The following PPP1R37 variants were observed in gnomAD, a reference collection of about 807,000 sequenced individuals.
PPP1R37 encodes the protein protein phosphatase 1 regulatory subunit 37.
PPP1R37 carries 21 observed loss-of-function variants against 61.0 expected under a neutral mutation model. The observed-to-expected ratio is 0.34, with a 90% CI of 0.24 to 0.50. The LOEUF (loss-of-function observed/expected upper bound fraction) is 0.50, where lower values mean the gene tolerates loss of function less well. Among genes scored for constraint, PPP1R37 ranks in the 20% least tolerant of loss-of-function variants. The pLI is 0.98. For synonymous variants in PPP1R37, 443 were observed against 433.5 expected (o/e 1.02, Z -0.27); for missense variants, 910 against 952.7 (o/e 0.96, Z 0.59).
chr19:45,125,160 A>G (rs772023459), intron 1 of PPP1R37, among the ~76,000 whole-genome samples: 7 of 152,186 alleles, frequency 4.6e-5, no homozygotes, highest in Non-Finnish European at 7.4e-5. Context: ...TTATCAAACA[A>G]TATCTCTTTA....
In PPP1R37 at chr19:45,146,460, G is replaced by A. The variant is rs759327118; in HGVS notation, c.2064G>A (p.Gln688=). 3.6e-5 allele frequency: 55 copies of A among 1,535,620 alleles called. 1 individual carries two copies. In the South Asian group the frequency reaches 6.1e-4, roughly 17 times the overall value. ...TGGAAGCCAGTCAGGAATCCGGGCA[G>A]GAGACACTGTGACACTTTAGGTGAG... ...LLLEASQESG[Q]ETL is the part of the protein sequence containing the mutation. Residue 688 remains glutamine, a synonymous_variant, in exon 12 of 13, where the codon CAG becomes CAA. Coordinates refer to ENST00000221462, the MANE Select transcript of PPP1R37 (RefSeq NM_019121.2).
chr19:45,113,038 C>T (rs1006002874), intron 1 of PPP1R37, among the ~76,000 whole-genome samples: 4 of 152,178 alleles, frequency 2.6e-5, no homozygotes, highest in Non-Finnish European at 5.9e-5. Context: ...GGTCACAGCT[C>T]CTGCCCTCGA....
intron 1 of PPP1R37, among the ~76,000 whole-genome samples, chr19:45,116,911 C>CTTTTTTTTTT (rs61317000): frequency 1.7e-5 from 2 of 121,068 alleles, no homozygotes; most frequent in Non-Finnish European, 3.4e-5. Context: ...GAGGAGGTGA[C>CTTTTTTTTTT]TTTTTTTTTT....
At chr19:45,109,624 C>T (rs1455012066) in intron 1 of PPP1R37, among the ~76,000 whole-genome samples, 1 of 152,218 alleles carries the variant, frequency 6.6e-6, no homozygotes, top group Non-Finnish European at 1.5e-5. Context: ...GCCAGGGCAG[C>T]CCTGCCTGGG....
chr19:45,145,400 G>A lies in PPP1R37; in HGVS notation c.1344G>A (p.Gln448=). The A allele has an allele frequency of 6.5e-7, 1 of 1,535,454 alleles. No homozygotes were observed. The highest frequency in any genetic ancestry group is 1.4e-5 in the African/African-American group (1 of 73,158). Residue 448 remains glutamine, a synonymous_variant, in exon 11 of 13, where the codon CAG becomes CAA. Transcript: ENST00000221462. ...ETQKALLAEI[Q]NGCKRNLVLA... is the part of the protein sequence containing the mutation. ...AGAAGGCGCTGCTGGCCGAGATCCA[G>A]AACGGCTGCAAGCGCAACTTGGTGC... is the stretch of plus-strand genomic sequence containing the variant.
chr19:45,110,377 G>C (rs1341880549), intron 1 of PPP1R37, among the ~76,000 whole-genome samples: 1 of 151,954 alleles, frequency 6.6e-6, no homozygotes, highest in Non-Finnish European at 1.5e-5. Context: ...TGGCCTCCGA[G>C]AGTGCTGGGA....
intron 11 of PPP1R37, 108 bp from the exon 12 acceptor site, chr19:45,146,282 G>A: frequency 9.4e-7 from 1 of 1,068,932 alleles, no homozygotes. Flanking sequence ...CATCTCAGCG[G>A]TCTCTGGGCA....
rs1968567333 is a variant in PPP1R37 at position 45,138,555 on chromosome 19, C to G, written c.244C>G (p.Gln82Glu). 5 of 1,535,810 alleles carry G rather than the reference C, an allele frequency of 3.3e-6. No homozygotes were observed. The South Asian group carries it at 4.8e-5, about 15-fold the overall frequency. Residue 82 changes from glutamine to glutamate, a missense_variant, in exon 2 of 13, where the codon CAG becomes GAG. Around this residue, in one of 3 missense-constraint regions of PPP1R37, gnomAD observed 280 missense variants for 382.2 expected, o/e 0.73. Coordinates refer to ENST00000221462, the MANE Select transcript of PPP1R37 (RefSeq NM_019121.2). Reference sequence around the variant, plus strand: ...GGACGAGGTCATCGGCGCCTACAAGCAGGCCTGCCAGAAGCTGAACTGCAG... The same window carrying G: ...GGACGAGGTCATCGGCGCCTACAAGGAGGCCTGCCAGAAGCTGAACTGCAG... ...TVDEVIGAYK[Q>E]ACQKLNCRQI...
Position 45,134,421 on chromosome 19 carries a change from G to T in PPP1R37, c.203-4093G>T, listed in dbSNP as rs551522895. 1.2e-3 allele frequency among the ~76,000 whole-genome samples: 184 copies of T among 152,262 alleles called. 3 individuals carry two copies. The highest frequency in any genetic ancestry group is 3.7e-3 in the African/African-American group (152 of 41,556). ...GGCCTGGCGGGTGTGAGTGCTGTCAGCGCGAACTTCCTCTCTGATCTGCCC... is the reference window on the plus strand; with the variant it reads ...GGCCTGGCGGGTGTGAGTGCTGTCATCGCGAACTTCCTCTCTGATCTGCCC... On this transcript the variant is annotated intron_variant, in intron 1 of 12. Transcript: ENST00000221462.
chr19:45,125,885 C>T (rs748254209), intron 1 of PPP1R37, among the ~76,000 whole-genome samples: 6 of 152,218 alleles, frequency 3.9e-5, no homozygotes, highest in Non-Finnish European at 7.3e-5. Context: ...CCAGACCCCA[C>T]GCCAAGGCAG....
chr19:45,131,049 C>T (rs1968470303), intron 1 of PPP1R37, among the ~76,000 whole-genome samples: 1 of 152,108 alleles, frequency 6.6e-6, no homozygotes, highest in African/African-American at 2.4e-5. Context: ...CCCCTGATGC[C>T]CAACCTGTCC....
At chr19:45,127,391 C>A (rs1968420399) in intron 1 of PPP1R37, among the ~76,000 whole-genome samples, 1 of 150,738 alleles carries the variant, frequency 6.6e-6, no homozygotes, top group Non-Finnish European at 1.5e-5. Context: ...AGGTGGCATG[C>A]CTACTGCACA....
intron 1 of PPP1R37, among the ~76,000 whole-genome samples, chr19:45,137,742 G>GT (rs1453964743): frequency 6.6e-6 from 1 of 151,898 alleles, no homozygotes; most frequent in East Asian, 1.9e-4. Flanking sequence ...TATACCAGGT[G>GT]TGTGATCTTG....
At position 45,121,467 on chromosome 19, in the gene PPP1R37, C is replaced by T. The variant is rs903739075; in HGVS notation, c.203-17047C>T. Among the ~76,000 whole-genome samples the T allele has an allele frequency of 5.9e-5, 9 of 152,236 alleles. No individual in the cohort carries two copies. Among genetic ancestry groups the T allele is most frequent in the East Asian group, 5.8e-4 (3 of 5,194 alleles). On this transcript the variant is annotated intron_variant, in intron 1 of 12. Coordinates refer to ENST00000221462, the MANE Select transcript of PPP1R37 (RefSeq NM_019121.2). This position sits in a 1 kb window ranked among gnomAD's most constrained non-coding sequence, Gnocchi z 4.2. ...CCAGGCAGGAGGACAGCTGGGCCCT[C>T]GCATGGGCGGGATTGAGGCCACTGG...
chr19:45,105,590 G>T (rs1285383973), intron 1 of PPP1R37, among the ~76,000 whole-genome samples: 3 of 152,136 alleles, frequency 2.0e-5, no homozygotes, highest in Non-Finnish European at 4.4e-5. Flanking sequence ...TGTGTCACAG[G>T]TGTCAGGGGC....
At chr19:45,138,682 C>T in intron 2 of PPP1R37, 71 bp downstream of exon 2, 1 of 1,041,100 alleles carries the variant, frequency 9.6e-7, no homozygotes, top group South Asian at 1.4e-5. Flanking sequence ...ACCAGCCCAG[C>T]AGGAGAGGGC....
chr19:45,116,857 G>A (rs1293959785), intron 1 of PPP1R37, among the ~76,000 whole-genome samples: 1 of 151,982 alleles, frequency 6.6e-6, no homozygotes, highest in Non-Finnish European at 1.5e-5. Flanking sequence ...TGGGGGATGG[G>A]GATGGGGGTG....
intron 1 of PPP1R37, among the ~76,000 whole-genome samples, chr19:45,105,476 C>T (rs1231803468): frequency 2.0e-5 from 3 of 152,106 alleles, no homozygotes; most frequent in African/African-American, 7.2e-5. Flanking sequence ...GTGATTGGAT[C>T]CCAGGACCTC....
At chr19:45,115,364 C>G (rs1968252912) in intron 1 of PPP1R37, among the ~76,000 whole-genome samples, 1 of 152,126 alleles carries the variant, frequency 6.6e-6, no homozygotes, top group South Asian at 2.1e-4. Context: ...GAAGTCAGGC[C>G]TACCTGTGCT....
Sources: allele counts gnomAD v4.1 joint callset (sites outside exome capture counted in the v4.1 genomes callset), GRCh38; gene constraint gnomAD v4.1.1; regional missense constraint gnomAD v4.1.1; non-coding constraint Gnocchi (gnomAD v3.1); transcripts MANE v1.5; gene names NCBI Gene and HGNC (gene_info 2026-07-23, HGNC 2026-07-21).